Variants in CDH13 observed in about 807,000 individuals in gnomAD.
The protein encoded by CDH13 is cadherin-13.
In CDH13, 24 loss-of-function variants were observed where a neutral mutation model predicts 63.8. The ratio of observed to expected loss-of-function variants is 0.38; its 90% CI spans 0.27 to 0.53. CDH13 has a LOEUF of 0.53. Ranked by LOEUF, CDH13 falls within the 20% of genes least tolerant of loss-of-function variation. The probability of loss-of-function intolerance (pLI) is 0.85; values close to 1 mark genes in which losing one functional copy is unlikely to be tolerated. For missense variants in CDH13, 1,049 were observed against 903.1 expected, an observed-to-expected ratio of 1.16 and a Z score of -2.07; for synonymous variants, 503 against 355.3, an observed-to-expected ratio of 1.42 and a Z score of -4.67.
intron 6 of CDH13, among the ~76,000 whole-genome samples, chr16:83,395,510 C>T (rs1003336011): frequency 6.6e-6 from 1 of 152,260 alleles, no homozygotes; most frequent in East Asian, 1.9e-4. Context: ...GTTTGACCTC[C>T]TGGAGGCCAG....
intron 5 of CDH13, among the ~76,000 whole-genome samples, chr16:83,339,936 G>A (rs796442597): frequency 5.9e-5 from 9 of 152,238 alleles, no homozygotes; most frequent in African/African-American, 1.4e-4. Flanking sequence ...ACTCCTCCCT[G>A]GGATATTTCA....
intron 10 of CDH13, among the ~76,000 whole-genome samples, chr16:83,724,042 A>AAT (rs1910039576): frequency 7.2e-6 from 1 of 139,320 alleles, no homozygotes. Context: ...CGCATGGGTG[A>AAT]GTGGTGAATG....
intron 4 of CDH13, among the ~76,000 whole-genome samples, chr16:83,201,232 C>G (rs1387271930): frequency 3.3e-5 from 5 of 152,052 alleles, no homozygotes; most frequent in African/African-American, 1.2e-4. Flanking sequence ...CTACTATGGA[C>G]CATGCACTGT....
intron 2 of CDH13, among the ~76,000 whole-genome samples, chr16:82,991,946 G>C (rs1197296116): frequency 6.6e-6 from 1 of 152,184 alleles, no homozygotes; most frequent in Non-Finnish European, 1.5e-5. Flanking sequence ...AAAGAAGGTA[G>C]TGAATGAGAT....
chr16:83,468,585 G>A (rs2073376464), intron 6 of CDH13, among the ~76,000 whole-genome samples: 1 of 151,648 alleles, frequency 6.6e-6, no homozygotes, highest in Non-Finnish European at 1.5e-5. Context: ...TGAGGAGACA[G>A]AAACCCAGCC....
rs566447135 is a variant in CDH13 at position 82,657,334 on chromosome 16, A to C, written c.45+30197A>C. On this transcript the variant is annotated intron_variant, in intron 1 of 13. Transcript: ENST00000567109. ...TCTCTCTCAAAATCTGTTGTAGCGC[A>C]CTCACCCTTCTCTTTTAATCTGTCA... Among the ~76,000 whole-genome samples the C allele has an allele frequency of 7.2e-5, 11 of 152,260 alleles. No individual in the cohort carries two copies. The South Asian group carries it at 2.1e-3, about 29-fold the overall frequency.
intron 4 of CDH13, among the ~76,000 whole-genome samples, chr16:83,138,822 G>T (rs774829241): frequency 3.9e-5 from 6 of 152,088 alleles, no homozygotes; most frequent in African/African-American, 9.7e-5. Context: ...GGAGGGTGAC[G>T]AAGGGCTCCC....
intron 6 of CDH13, among the ~76,000 whole-genome samples, chr16:83,440,569 G>C (rs1253497715): frequency 1.3e-5 from 2 of 152,092 alleles, no homozygotes; most frequent in Non-Finnish European, 2.9e-5. Context: ...CTCTTGAGTT[G>C]AGGTCAGGAG....
chr16:83,271,837 G>A (rs779891299), intron 5 of CDH13, among the ~76,000 whole-genome samples: 1 of 152,144 alleles, frequency 6.6e-6, no homozygotes, highest in Non-Finnish European at 1.5e-5. Flanking sequence ...CCAATCATCT[G>A]TGTCACTGCA....
chr16:82,649,839 C>G (rs1026106976), intron 1 of CDH13, among the ~76,000 whole-genome samples: 2 of 152,328 alleles, frequency 1.3e-5, no homozygotes, highest in Middle Eastern at 3.4e-3. Flanking sequence ...ATAACTGTCT[C>G]TGCTTCCGAC....
chr16:82,915,314 T>A (rs1037387715), intron 2 of CDH13, among the ~76,000 whole-genome samples: 2 of 152,206 alleles, frequency 1.3e-5, no homozygotes, highest in Non-Finnish European at 2.9e-5. Flanking sequence ...GAGAATGTCT[T>A]TTTGTGACAG....
intron 4 of CDH13, among the ~76,000 whole-genome samples, chr16:83,190,701 T>G (rs1449093700): frequency 6.6e-6 from 1 of 152,174 alleles, no homozygotes; most frequent in African/African-American, 2.4e-5. Flanking sequence ...CTCTGTCTCT[T>G]GAATTGAGTT....
intron 2 of CDH13, among the ~76,000 whole-genome samples, chr16:82,925,804 A>T (rs2151287510): frequency 6.6e-6 from 1 of 152,214 alleles, no homozygotes; most frequent in Middle Eastern, 3.4e-3. Flanking sequence ...CCATATCTTG[A>T]TTCACTGGCT....
intron 1 of CDH13, among the ~76,000 whole-genome samples, chr16:82,828,285 A>C (rs959100299): frequency 5.9e-5 from 9 of 152,168 alleles, no homozygotes; most frequent in Non-Finnish European, 4.4e-5. Context: ...CTTCGTATCC[A>C]CAGGCTCCAC....
chr16:83,197,494 ATTCT>A (rs2038908319), intron 4 of CDH13, among the ~76,000 whole-genome samples: 1 of 152,046 alleles, frequency 6.6e-6, no homozygotes, highest in Non-Finnish European at 1.5e-5. Flanking sequence ...GGTTTTATTC[ATTCT>A]TTCTAATTTT....
At position 82,858,491 on chromosome 16, in the gene CDH13, A is replaced by G. The variant is rs933981673; in HGVS notation, c.157+18A>G. 3 of 1,439,300 alleles carry G rather than the reference A, an allele frequency of 2.1e-6. No individual in the cohort carries two copies. The highest frequency in any genetic ancestry group is 2.3e-5 in the South Asian group (2 of 87,458). The allele number at this position is 1,439,300 out of a possible 1,614,324, so 89.2% of individuals were successfully genotyped here. Reference sequence around the variant, plus strand: ...TCTAAACTGTAAGCAATGTCACTCAAAGATGCTTTTAGACTCTTCTCATAT... The same window carrying G: ...TCTAAACTGTAAGCAATGTCACTCAGAGATGCTTTTAGACTCTTCTCATAT... On this transcript the variant is annotated intron_variant, in intron 2 of 13. Transcript: ENST00000567109.
chr16:83,787,923 A>C (rs1478851237), intron 13 of CDH13, among the ~76,000 whole-genome samples: 1 of 152,238 alleles, frequency 6.6e-6, no homozygotes, highest in Non-Finnish European at 1.5e-5. Context: ...AGCCTAAGCG[A>C]CAGAGCAAAA....
chr16:83,364,459 T>G (rs567246417), intron 6 of CDH13, among the ~76,000 whole-genome samples: 82 of 152,332 alleles, frequency 5.4e-4, no homozygotes, highest in African/African-American at 1.7e-3. Context: ...GATAAGGACC[T>G]GAACCTAGTA....
chr16:83,624,917 TG>T (rs1411487605), intron 8 of CDH13, among the ~76,000 whole-genome samples: 1 of 152,152 alleles, frequency 6.6e-6, no homozygotes, highest in African/African-American at 2.4e-5. Flanking sequence ...TGTGAAAAGC[TG>T]GTGTGTTGCA....
Sources: gnomAD v4.1 joint callset for allele counts (sites outside exome capture counted in the v4.1 genomes callset) on GRCh38, gnomAD v4.1.1 for gene constraint, MANE v1.5 for transcripts, NCBI Gene and HGNC (gene_info 2026-07-23, HGNC 2026-07-21) for gene names.